SH3GLB1: variants seen among roughly 807,000 people sequenced by gnomAD.
SH3GLB1 encodes the protein SH3 domain containing GRB2 like, endophilin B1.
In SH3GLB1, 17 loss-of-function variants were observed where a neutral mutation model predicts 42.0. That is an observed-to-expected ratio of 0.40 (90% CI 0.28 to 0.61). The LOEUF (loss-of-function observed/expected upper bound fraction) is 0.61, where lower values mean the gene tolerates loss of function less well. Ranked by LOEUF, SH3GLB1 falls within the 20% of genes least tolerant of loss-of-function variation. The pLI is 0.36. For synonymous variants in SH3GLB1, 132 were observed against 146.6 expected, an observed-to-expected ratio of 0.90 and a Z score of 0.72; for missense variants, 355 against 426.3, an observed-to-expected ratio of 0.83 and a Z score of 1.47.
intron 5 of SH3GLB1, among the ~76,000 whole-genome samples, chr1:86,725,454 T>TTA (rs1325609051): frequency 6.6e-6 from 1 of 152,158 alleles, no homozygotes; most frequent in Non-Finnish European, 1.5e-5. Context: ...TTAATCCAAG[T>TTA]TATACTGTCT....
In SH3GLB1 at chr1:86,743,185, G is replaced by C. The variant is rs763143617; in HGVS notation, c.1048G>C (p.Gly350Arg). Residue 350 changes from glycine (G) to arginine (R), a missense_variant, in exon 9 of 9, where the codon GGA becomes CGA. Gly to Arg is a moderately radical substitution (Grantham distance 125, BLOSUM62 -2). Transcript: ENST00000370558. ...TTCAGACTGGCTAATGGGGGAAAGG[G>C]GAAACCAGAAGGGCAAGGTGCCAAT... Reference protein sequence around the residue: ...MDSDWLMGERGNQKGKVPITY... With the variant: ...MDSDWLMGERRNQKGKVPITY... The C allele has an allele frequency of 6.2e-7, 1 of 1,613,276 alleles. No homozygotes were observed. Among genetic ancestry groups the C allele is most frequent in the Admixed American group, 1.7e-5 (1 of 59,814 alleles).
At position 86,747,597 on chromosome 1, in the gene SH3GLB1, G is replaced by A. The variant is rs926111328; in HGVS notation, c.*4362G>A. On this transcript the variant is annotated 3_prime_UTR_variant, in exon 9 of 9. Transcript: ENST00000370558. ...ATATCATAGTGGGAAGTATTGCTTA[G>A]AATGCCAGTACTTGTTTGCTGTGGA... is the stretch of plus-strand genomic sequence containing the variant. 7 of 152,198 alleles carry A rather than the reference G, an allele frequency of 4.6e-5. No individual in the cohort carries two copies. The highest frequency in any genetic ancestry group is 1.7e-4 in the African/African-American group (7 of 41,454). The allele number at this position is 152,198 out of a possible 1,614,324, so 9.4% of individuals were successfully genotyped here.
intron 1 of SH3GLB1, among the ~76,000 whole-genome samples, chr1:86,706,450 TCTTCC>T (rs1653874663): frequency 6.6e-6 from 1 of 152,220 alleles, no homozygotes; most frequent in Non-Finnish European, 1.5e-5. Flanking sequence ...TTAACCCTTT[TCTTCC>T]CTTCCTTCCC....
chr1:86,724,298 T>A lies in SH3GLB1; in HGVS notation c.478-15T>A, dbSNP rs755578085. ...AGCATCTTTAGCCCTTATTTTTTCT[T>A]TTCTATATTTATAGAAAGAAAGGAA... On this transcript the variant is annotated splice_polypyrimidine_tract_variant and intron_variant, in intron 4 of 8. Coordinates refer to ENST00000370558, the MANE Select transcript of SH3GLB1 (RefSeq NM_016009.5). 1.3e-6 allele frequency: 2 copies of A among 1,551,214 alleles called. No individual in the cohort carries two copies. Among genetic ancestry groups the A allele is most frequent in the South Asian group, 2.5e-5 (2 of 81,538 alleles).
chr1:86,734,502 T>C, intron 5 of SH3GLB1, 100 bp from the exon 6 acceptor site: 1 of 811,364 alleles, frequency 1.2e-6, no homozygotes, highest in South Asian at 1.7e-5. Context: ...GATTATAACT[T>C]GAGGTTTGTT....
chr1:86,724,296 C>A lies in SH3GLB1; in HGVS notation c.478-17C>A. ...TTAGCATCTTTAGCCCTTATTTTTTCTTTTCTATATTTATAGAAAGAAAGG... is the reference window on the plus strand; with the variant it reads ...TTAGCATCTTTAGCCCTTATTTTTTATTTTCTATATTTATAGAAAGAAAGG... On this transcript the variant is annotated splice_polypyrimidine_tract_variant and intron_variant, in intron 4 of 8. Transcript: ENST00000370558. 6.5e-7 allele frequency: 1 copy of A among 1,539,240 alleles called. No homozygotes were observed. The highest frequency in any genetic ancestry group is 8.8e-7 in the Non-Finnish European group (1 of 1,142,360).
chr1:86,718,524 C>G (rs1654684316), intron 2 of SH3GLB1, among the ~76,000 whole-genome samples: 1 of 152,158 alleles, frequency 6.6e-6, no homozygotes, highest in Non-Finnish European at 1.5e-5. Context: ...TATAACTAAG[C>G]CTTTTACCAA....
chr1:86,725,452 A>G (rs1204011593), intron 5 of SH3GLB1, among the ~76,000 whole-genome samples: 1 of 152,158 alleles, frequency 6.6e-6, no homozygotes, highest in Non-Finnish European at 1.5e-5. Flanking sequence ...AGTTAATCCA[A>G]GTTATACTGT....
chr1:86,732,050 G>T (rs1037189125), intron 5 of SH3GLB1, among the ~76,000 whole-genome samples: 4 of 152,098 alleles, frequency 2.6e-5, no homozygotes, highest in African/African-American at 9.7e-5. Flanking sequence ...GGCAACAAGA[G>T]CAAAACTCCA....
chr1:86,719,704 CATATT>C (rs201175409), intron 3 of SH3GLB1, 69 bp downstream of exon 3: 35,279 of 1,518,254 alleles, frequency 0.023, 476 homozygotes, highest in African/African-American at 0.032. Context: ...ATGTCATTAA[CATATT>C]AGTAGGCCGG....
At chr1:86,716,899 T>A (rs1292240394) in intron 2 of SH3GLB1, among the ~76,000 whole-genome samples, 1 of 152,238 alleles carries the variant, frequency 6.6e-6, no homozygotes, top group African/African-American at 2.4e-5. Context: ...GACATATGCT[T>A]ACTTTTAGAT....
chr1:86,721,286 C>G (rs895797165), intron 3 of SH3GLB1, among the ~76,000 whole-genome samples: 5 of 152,074 alleles, frequency 3.3e-5, no homozygotes, highest in African/African-American at 1.2e-4. Context: ...CATATTAATT[C>G]TCATTTATAT....
At position 86,735,111 on chromosome 1, in the gene SH3GLB1, A is replaced by G. The variant is rs367856961; in HGVS notation, c.693A>G (p.Val231=). Residue 231 remains valine, a synonymous_variant, in exon 7 of 9, where the codon GTA becomes GTG. Transcript: ENST00000370558. The part of the protein sequence containing the change: ...AHHLRCLNDF[V]EAQMTYYAQC... ...ACCTTCGCTGTCTGAATGACTTTGT[A>G]GAAGCCCAGATGACTTACTATGCAC... The G allele has an allele frequency of 1.2e-6, 2 of 1,612,992 alleles. No individual in the cohort carries two copies. The highest frequency in any genetic ancestry group is 1.1e-5 in the South Asian group (1 of 91,062).
At position 86,704,892 on chromosome 1, in the gene SH3GLB1, C is replaced by T; in HGVS notation, c.-8C>T. ...AGGTCGGCCGGCTCCGCCCGGCTGC[C>T]GCCTAGGATGAATATCATGGACTTC... On this transcript the variant is annotated 5_prime_UTR_variant, in exon 1 of 9. Coordinates refer to ENST00000370558, the MANE Select transcript of SH3GLB1 (RefSeq NM_016009.5). The T allele has an allele frequency of 1.3e-6, 2 of 1,567,994 alleles. No individual in the cohort carries two copies. Among genetic ancestry groups the T allele is most frequent in the East Asian group, 2.5e-5 (1 of 39,564 alleles).
Position 86,746,641 on chromosome 1 carries a change from G to A in SH3GLB1, c.*3406G>A, listed in dbSNP as rs1000457492. 1.3e-5 allele frequency: 2 copies of A among 152,346 alleles called. No homozygotes were observed. The highest frequency in any genetic ancestry group is 4.8e-5 in the African/African-American group (2 of 41,442). The allele number at this position is 152,346 out of a possible 1,614,324, so 9.4% of individuals were successfully genotyped here. ...CCCAGCACTTTGGAGGCTGAGGCGG[G>A]TGGATCATCTGAGGTCAGGAGTTCG... On this transcript the variant is annotated 3_prime_UTR_variant, in exon 9 of 9. Coordinates refer to ENST00000370558, the MANE Select transcript of SH3GLB1 (RefSeq NM_016009.5).
chr1:86,742,156 A>G, intron 7 of SH3GLB1, 52 bp from the exon 8 acceptor site: 2 of 1,404,550 alleles, frequency 1.4e-6, no homozygotes, highest in Non-Finnish European at 2.0e-6. Context: ...TGGTGGTATT[A>G]AGGAGCTTTA....
chr1:86,726,269 T>C (rs2101956644), intron 5 of SH3GLB1, among the ~76,000 whole-genome samples: 1 of 152,200 alleles, frequency 6.6e-6, no homozygotes, highest in East Asian at 1.9e-4. Flanking sequence ...ATTACAGGAA[T>C]GACCGTCTGC....
chr1:86,710,490 C>G (rs975318658), intron 1 of SH3GLB1, among the ~76,000 whole-genome samples: 1 of 152,142 alleles, frequency 6.6e-6, no homozygotes, highest in African/African-American at 2.4e-5. Context: ...GTCTCGAACT[C>G]CTGATCTCAG....
intron 1 of SH3GLB1, 102 bp from the exon 2 acceptor site, chr1:86,715,622 T>G: frequency 8.9e-7 from 1 of 1,122,246 alleles, no homozygotes; most frequent in Non-Finnish European, 1.2e-6. Flanking sequence ...GTTATTTGTA[T>G]GTTTAGGATT....
Sources: allele counts gnomAD v4.1 joint callset (sites outside exome capture counted in the v4.1 genomes callset), GRCh38; gene constraint gnomAD v4.1.1; transcripts MANE v1.5; gene names NCBI Gene and HGNC (gene_info 2026-07-23, HGNC 2026-07-21).